Variants in KLRF1 observed in about 807,000 individuals in gnomAD.
KLRF1 encodes the protein killer cell lectin-like receptor subfamily F member 1.
A neutral mutation model predicts 30.7 loss-of-function variants in KLRF1; 27 were observed. That is an observed-to-expected ratio of 0.88 (90% CI 0.65 to 1.21). KLRF1 has a LOEUF of 1.21. KLRF1 is among the 50% of genes most tolerant of loss of function. The probability of loss-of-function intolerance (pLI) is 0.00; values close to 1 mark genes in which losing one functional copy is unlikely to be tolerated. For missense variants in KLRF1, 246 were observed against 259.3 expected (o/e 0.95, Z 0.35); for synonymous variants, 92 against 89.3 (o/e 1.03, Z -0.17).
the KLRF1 span, among the ~76,000 whole-genome samples, chr12:9,807,351 C>G: frequency 7.9e-5 from 12 of 152,108 alleles, no homozygotes; most frequent in East Asian, 2.3e-3. Flanking sequence ...TATTAACCTT[C>G]TTACTTACTA....
intron 3 of KLRF1, among the ~76,000 whole-genome samples, chr12:9,838,137 G>T (rs1276935482): frequency 2.0e-5 from 3 of 152,116 alleles, no homozygotes; most frequent in Non-Finnish European, 2.9e-5. Flanking sequence ...ACCTCCCTCT[G>T]TATCCATGAA....
In KLRF1 at chr12:9,844,571, T is replaced by G. The variant is rs1867772279; in HGVS notation, c.*45T>G. The G allele has an allele frequency of 2.7e-6, 3 of 1,112,420 alleles. No homozygotes were observed. In the South Asian group the frequency reaches 4.0e-5, roughly 15 times the overall value. The allele number at this position is 1,112,420 out of a possible 1,614,324, so 68.9% of individuals were successfully genotyped here. A position where few individuals can be genotyped will look rare whatever the true frequency, so the allele number is the denominator to read the frequency against. Reference sequence around the variant, plus strand: ...TGAAATAATCAATGATCACTATTTTTGGCCTATTAGTTTCTAATATTAATC... The same window carrying G: ...TGAAATAATCAATGATCACTATTTTGGGCCTATTAGTTTCTAATATTAATC... On this transcript the variant is annotated 3_prime_UTR_variant, in exon 6 of 6. Coordinates refer to ENST00000617889, the MANE Select transcript of KLRF1 (RefSeq NM_016523.3).
Position 9,844,469 on chromosome 12 carries a change from A to C in KLRF1, c.639A>C (p.Glu213Asp). ...AKENSCAAIK[E>D]SKIFSETCSS... is the part of the protein sequence containing the mutation. The stretch of plus-strand genomic sequence containing the variant: ...AAAACAGCTGTGCTGCCATTAAGGA[A>C]AGCAAAATTTTCTCTGAAACCTGCA... The change falls in exon 6 of 6, where the codon GAA (glutamate) becomes GAC (aspartate). Residue 213 changes from glutamate (E) to aspartate (D), a missense_variant. By Grantham distance (45) the Glu-to-Asp change is conservative. Coordinates refer to ENST00000617889, the MANE Select transcript of KLRF1 (RefSeq NM_016523.3). The C allele has an allele frequency of 6.2e-7, 1 of 1,611,448 alleles. No individual in the cohort carries two copies. Among genetic ancestry groups the C allele is most frequent in the Non-Finnish European group, 8.5e-7 (1 of 1,178,134 alleles).
chr12:9,827,494 C>T lies in KLRF1; in HGVS notation c.-51C>T, dbSNP rs764544770. The T allele has an allele frequency of 9.9e-7, 1 of 1,007,378 alleles. No individual in the cohort carries two copies. The highest frequency in any genetic ancestry group is 2.3e-5 in the Admixed American group (1 of 44,400). The allele number at this position is 1,007,378 out of a possible 1,614,324, so 62.4% of individuals were successfully genotyped here. A position where few individuals can be genotyped will look rare whatever the true frequency, so the allele number is the denominator to read the frequency against. On this transcript the variant is annotated 5_prime_UTR_variant, in exon 1 of 6. Coordinates refer to ENST00000617889, the MANE Select transcript of KLRF1 (RefSeq NM_016523.3). ...TATTCTTTCCTCATTTCATGTTATA[C>T]TTAATAAAACAAAACATACCTGTAT...
intron 2 of KLRF1, 139 bp from the exon 3 acceptor site, chr12:9,833,164 C>A: frequency 3.9e-6 from 2 of 512,510 alleles, no homozygotes; most frequent in Non-Finnish European, 6.6e-6. Flanking sequence ...CATCAGTAGA[C>A]ATGAAAATTT....
At chr12:9,827,417 T>C (rs772168513), upstream of KLRF1, 2 of 524,288 alleles carry the variant, frequency 3.8e-6, no homozygotes, top group East Asian at 3.2e-5. Flanking sequence ...AACCCTCATA[T>C]GTACTGTGAA....
chr12:9,804,261 T>G, the KLRF1 span, among the ~76,000 whole-genome samples: 1 of 151,964 alleles, frequency 6.6e-6, no homozygotes, highest in African/African-American at 2.4e-5. Context: ...TTTTCAGATC[T>G]TTTGCCCATA....
rs73245278 is a variant in KLRF1 at position 9,840,403 on chromosome 12, G to T, written c.335-1409G>T. Reference sequence around the variant, plus strand: ...AATAAAAAGAGACAGATTGTAATGGGCCATAAGTTAAAATAGTTATATTGG... The same window carrying T: ...AATAAAAAGAGACAGATTGTAATGGTCCATAAGTTAAAATAGTTATATTGG... On this transcript the variant is annotated intron_variant, in intron 3 of 5. Coordinates refer to ENST00000617889, the MANE Select transcript of KLRF1 (RefSeq NM_016523.3). 5.3e-3 allele frequency among the ~76,000 whole-genome samples: 813 copies of T among 152,008 alleles called. 5 individuals are homozygous for T. Among genetic ancestry groups the T allele is most frequent in the African/African-American group, 0.018 (739 of 41,506 alleles).
At chr12:9,812,176 T>C in the KLRF1 span, among the ~76,000 whole-genome samples, 1 of 152,030 alleles carries the variant, frequency 6.6e-6, no homozygotes, top group South Asian at 2.1e-4. Context: ...CAATCCTGGC[T>C]AACATGGTGA....
the KLRF1 span, among the ~76,000 whole-genome samples, chr12:9,819,008 C>T: frequency 2.0e-5 from 3 of 152,148 alleles, no homozygotes; most frequent in African/African-American, 7.2e-5. Flanking sequence ...CAACATGGAG[C>T]CAGGGGAGCC....
the KLRF1 span, among the ~76,000 whole-genome samples, chr12:9,809,097 C>T: frequency 2.4e-3 from 363 of 152,126 alleles, no homozygotes; most frequent in Non-Finnish European, 4.5e-3. Context: ...TTCTGCATTT[C>T]GGAGAAAATT....
At chr12:9,807,076 C>T in the KLRF1 span, among the ~76,000 whole-genome samples, 3 of 152,006 alleles carry the variant, frequency 2.0e-5, no homozygotes, top group Non-Finnish European at 2.9e-5. Flanking sequence ...TTTTAGTACA[C>T]TTTTCAGGTT....
At position 9,844,412 on chromosome 12, in the gene KLRF1, C is replaced by G; in HGVS notation, c.588-6C>G. The G allele has an allele frequency of 6.8e-7, 1 of 1,473,902 alleles. No individual in the cohort carries two copies. Among genetic ancestry groups the G allele is most frequent in the Non-Finnish European group, 9.5e-7 (1 of 1,053,786 alleles). The allele number at this position is 1,473,902 out of a possible 1,614,324, so 91.3% of individuals were successfully genotyped here. A position where few individuals can be genotyped will look rare whatever the true frequency, so the allele number is the denominator to read the frequency against. On this transcript the variant is annotated splice_region_variant and splice_polypyrimidine_tract_variant and intron_variant, in intron 5 of 5. Transcript: ENST00000617889. ...ATTAACAAAGTATTTATTCTCTCTT[C>G]CCTAGATTCTTCATAAAGGGACCAG...
intron 3 of KLRF1, among the ~76,000 whole-genome samples, chr12:9,840,069 C>G (rs1867668080): frequency 6.6e-6 from 1 of 152,014 alleles, no homozygotes; most frequent in African/African-American, 2.4e-5. Flanking sequence ...ACCTTGAAAA[C>G]ATTGTGCTGA....
intron 3 of KLRF1, among the ~76,000 whole-genome samples, chr12:9,839,275 C>T (rs775836362): frequency 6.6e-6 from 1 of 152,016 alleles, no homozygotes; most frequent in Admixed American, 6.6e-5. Context: ...AGGACTCTTA[C>T]GAGTACTAAT....
chr12:9,834,615 G>A (rs1305936867), intron 3 of KLRF1, among the ~76,000 whole-genome samples: 1 of 152,022 alleles, frequency 6.6e-6, no homozygotes, highest in Non-Finnish European at 1.5e-5. Context: ...GGTTTTGGAT[G>A]AATTGAGAAA....
chr12:9,819,413 AGGAGGGGCT>A, the KLRF1 span, among the ~76,000 whole-genome samples: 5 of 152,276 alleles, frequency 3.3e-5, no homozygotes, highest in Non-Finnish European at 2.9e-5. Flanking sequence ...ATCTCTCAGA[AGGAGGGGCT>A]GGACATCATT....
chr12:9,833,071 G>A (rs904143947), intron 2 of KLRF1, among the ~76,000 whole-genome samples: 1 of 152,118 alleles, frequency 6.6e-6, no homozygotes. Context: ...TTACCAGTTC[G>A]TAGGAATGCC....
At chr12:9,817,029 T>A in the KLRF1 span, among the ~76,000 whole-genome samples, 1 of 152,152 alleles carries the variant, frequency 6.6e-6, no homozygotes, top group Non-Finnish European at 1.5e-5. Flanking sequence ...CCTGCCACTA[T>A]TGAAAACTCA....
Sources: gnomAD v4.1 joint callset for allele counts (sites outside exome capture counted in the v4.1 genomes callset) on GRCh38, gnomAD v4.1.1 for gene constraint, MANE v1.5 for transcripts, NCBI Gene and HGNC (gene_info 2026-07-23, HGNC 2026-07-21) for gene names.